Variants in NCAM2 observed in about 807,000 individuals in gnomAD.
NCAM2 encodes neural cell adhesion molecule 2.
Under a neutral mutation model 98.1 loss-of-function variants are expected in NCAM2, and 30 were observed. The observed-to-expected ratio is 0.31, with a 90% confidence interval of 0.23 to 0.41. The LOEUF (loss-of-function observed/expected upper bound fraction) is 0.41, where lower values mean the gene tolerates loss of function less well. Ranked by LOEUF, NCAM2 falls within the 10% of genes least tolerant of loss-of-function variation. The pLI, the probability that NCAM2 is intolerant of heterozygous loss-of-function variation, is 1.00. For missense variants in NCAM2, 867 were observed against 1,005.8 expected, an observed-to-expected ratio of 0.86 and a Z score of 1.87; for synonymous variants, 368 against 342.4, an observed-to-expected ratio of 1.07 and a Z score of -0.83.
chr21:21,370,350 C>T (rs556986948), intron 8 of NCAM2, among the ~76,000 whole-genome samples: 64 of 151,844 alleles, frequency 4.2e-4, no homozygotes, highest in African/African-American at 1.5e-3. Context: ...CCCATTAAAG[C>T]ATCAAAAATA....
At chr21:21,227,715 T>A (rs2070445182) in intron 1 of NCAM2, among the ~76,000 whole-genome samples, 1 of 151,834 alleles carries the variant, frequency 6.6e-6, no homozygotes, top group Admixed American at 6.6e-5. Context: ...TGTTAGCATT[T>A]TAAATTGTGG....
chr21:21,224,254 A>G (rs769471976), intron 1 of NCAM2, among the ~76,000 whole-genome samples: 6 of 152,272 alleles, frequency 3.9e-5, no homozygotes, highest in Admixed American at 1.3e-4. Context: ...CAAAAAAGAA[A>G]AGCAATTTTG....
intron 1 of NCAM2, among the ~76,000 whole-genome samples, chr21:21,109,625 A>G (rs879424262): frequency 1.3e-5 from 2 of 152,124 alleles, no homozygotes; most frequent in Admixed American, 6.6e-5. Context: ...TTCATTTTTT[A>G]CATTGCTGTA....
At chr21:21,318,533 T>G (rs2074284817) in intron 5 of NCAM2, among the ~76,000 whole-genome samples, 1 of 152,186 alleles carries the variant, frequency 6.6e-6, no homozygotes, top group Non-Finnish European at 1.5e-5. Flanking sequence ...AACATTTTTA[T>G]TTTTATGTTT....
intron 10 of NCAM2, among the ~76,000 whole-genome samples, chr21:21,411,052 GTGTATATA>G (rs1364183402): frequency 3.2e-5 from 1 of 30,812 alleles, no homozygotes. Flanking sequence ...ATATATGTGT[GTGTATATA>G]TATATATATA....
chr21:21,346,418 C>T (rs2075190839), intron 8 of NCAM2, among the ~76,000 whole-genome samples: 1 of 151,826 alleles, frequency 6.6e-6, no homozygotes, highest in Non-Finnish European at 1.5e-5. Context: ...GAGAGAGGTC[C>T]CATCACAATA....
intron 9 of NCAM2, among the ~76,000 whole-genome samples, chr21:21,379,945 C>T (rs915867872): frequency 1.3e-5 from 2 of 152,046 alleles, no homozygotes; most frequent in Non-Finnish European, 2.9e-5. Context: ...GTCCAATGTT[C>T]GAGGACAGGA....
chr21:21,108,236 A>G (rs1016012390), intron 1 of NCAM2, among the ~76,000 whole-genome samples: 7 of 151,706 alleles, frequency 4.6e-5, no homozygotes, highest in African/African-American at 1.7e-4. Context: ...TTTTTTTTTT[A>G]ATAAACACTT....
At chr21:21,000,506 T>G (rs533310484) in intron 1 of NCAM2, among the ~76,000 whole-genome samples, 1 of 152,104 alleles carries the variant, frequency 6.6e-6, no homozygotes, top group Non-Finnish European at 1.5e-5. Flanking sequence ...GATGTGTACA[T>G]GTAACATAGA....
At chr21:21,044,561 T>G (rs2064971424) in intron 1 of NCAM2, among the ~76,000 whole-genome samples, 1 of 152,312 alleles carries the variant, frequency 6.6e-6, no homozygotes, top group East Asian at 1.9e-4. Context: ...CCCAGACAAT[T>G]AAGATTTTTA....
rs1393414987 is a variant in NCAM2, at chr21:21,042,299, G to A, written c.55+43681G>A. ...TCCCAGGTTCACACGATTCTCCTGC[G>A]TCAGCCTCCCGAGTAGCTGGTATTA... is the stretch of plus-strand genomic sequence containing the variant. On this transcript the variant is annotated intron_variant, in intron 1 of 17. Transcript: ENST00000400546. Among the ~76,000 whole-genome samples the A allele has an allele frequency of 2.0e-5, 3 of 151,852 alleles. 1 individual carries two copies. Among genetic ancestry groups the A allele is most frequent in the Admixed American group, 1.3e-4 (2 of 15,246 alleles).
chr21:21,477,467 T>C lies in NCAM2; in HGVS notation c.2073T>C (p.Ile691=). Reference sequence around the variant, plus strand: ...GCATGCCACCAAAGCCCAACATTATTAAAGGTAAGCAAAACTATATTCTTT... The same window carrying C: ...GCATGCCACCAAAGCCCAACATTATCAAAGGTAAGCAAAACTATATTCTTT... The part of the protein sequence containing the change: ...EFSMPPKPNI[I]KDTLFNGLGL... The change falls in exon 15 of 18, where the codon ATT becomes ATC. Residue 691 remains isoleucine (I), a synonymous_variant. Transcript: ENST00000400546. The C allele has an allele frequency of 6.3e-7, 1 of 1,590,194 alleles. No individual in the cohort carries two copies. The highest frequency in any genetic ancestry group is 8.6e-7 in the Non-Finnish European group (1 of 1,165,010).
rs187605531 is a variant in NCAM2, at chr21:21,255,846, T to C, written c.56-24732T>C. 4.6e-3 allele frequency among the ~76,000 whole-genome samples: 695 copies of C among 152,222 alleles called. 2 individuals carry two copies. Among genetic ancestry groups the C allele is most frequent in the Non-Finnish European group, 6.7e-3 (458 of 68,004 alleles). On this transcript the variant is annotated intron_variant, in intron 1 of 17. Transcript: ENST00000400546. Reference sequence around the variant, plus strand: ...TCAGAGCACCAGAGTCCCTTGGAAATTGGCTCTTTCCTCAGAATACAGCTT... The same window carrying C: ...TCAGAGCACCAGAGTCCCTTGGAAACTGGCTCTTTCCTCAGAATACAGCTT...
intron 1 of NCAM2, among the ~76,000 whole-genome samples, chr21:21,246,075 A>G (rs550411756): frequency 3.8e-4 from 58 of 152,286 alleles, no homozygotes; most frequent in African/African-American, 1.3e-3. Context: ...TACTTTGAAG[A>G]CTAGTGATAA....
intron 1 of NCAM2, among the ~76,000 whole-genome samples, chr21:21,096,163 G>A (rs2066118729): frequency 6.6e-6 from 1 of 151,612 alleles, no homozygotes; most frequent in Admixed American, 6.6e-5. Context: ...TTGTGAGCAA[G>A]GGTAACCTTG....
chr21:21,153,001 G>A (rs1322322986), intron 1 of NCAM2, among the ~76,000 whole-genome samples: 1 of 151,920 alleles, frequency 6.6e-6, no homozygotes, highest in Non-Finnish European at 1.5e-5. Flanking sequence ...TCTCCAGGAA[G>A]AAAGTCAGGG....
chr21:21,404,632 T>G (rs575817359), intron 9 of NCAM2, among the ~76,000 whole-genome samples: 2 of 151,996 alleles, frequency 1.3e-5, no homozygotes, highest in Non-Finnish European at 2.9e-5. Context: ...TGTATATGAG[T>G]GTATATATGT....
intron 16 of NCAM2, among the ~76,000 whole-genome samples, chr21:21,524,038 C>CCA (rs35446366): frequency 0.028 from 4,092 of 148,556 alleles, 84 homozygotes; most frequent in African/African-American, 0.052. Flanking sequence ...CAGATATTGT[C>CCA]CACACACACA....
At chr21:21,263,046 C>A (rs1221002987) in intron 1 of NCAM2, among the ~76,000 whole-genome samples, 1 of 152,046 alleles carries the variant, frequency 6.6e-6, no homozygotes, top group Non-Finnish European at 1.5e-5. Flanking sequence ...GGGACACAGC[C>A]AAACCATATT....
Sources: gnomAD v4.1 joint callset for allele counts (sites outside exome capture counted in the v4.1 genomes callset) on GRCh38, gnomAD v4.1.1 for gene constraint, MANE v1.5 for transcripts, NCBI Gene and HGNC (gene_info 2026-07-23, HGNC 2026-07-21) for gene names.